The following CLASP1 variants were observed in gnomAD, a reference collection of about 807,000 sequenced individuals.
CLASP1 encodes cytoplasmic linker associated protein 1.
Under a neutral mutation model 192.3 loss-of-function variants are expected in CLASP1, and 38 were observed. The ratio of observed to expected loss-of-function variants is 0.20; its 90% CI spans 0.15 to 0.26. CLASP1 has a LOEUF of 0.26. Among genes scored for constraint, CLASP1 ranks in the 10% least tolerant of loss-of-function variants. CLASP1 has a pLI of 1.00. For synonymous variants in CLASP1, 691 were observed against 712.8 expected, an observed-to-expected ratio of 0.97 and a Z score of 0.49; for missense variants, 1,433 against 1,932.5, an observed-to-expected ratio of 0.74 and a Z score of 4.85.
At chr2:121,403,903 AC>A in intron 26 of CLASP1, 1 of 442,212 alleles carries the variant, frequency 2.3e-6, no homozygotes. Flanking sequence ...TTATGAAATA[AC>A]CTGGTTTATC....
chr2:121,358,587 A>G (rs558680708), intron 37 of CLASP1, among the ~76,000 whole-genome samples: 22 of 152,358 alleles, frequency 1.4e-4, no homozygotes, highest in African/African-American at 5.3e-4. Flanking sequence ...TGTCTAAAGG[A>G]CTGCATGAGA....
Position 121,528,690 on chromosome 2 carries a change from G to A in CLASP1, c.365C>T (p.Ala122Val), listed in dbSNP as rs754413144. ...TCTTGCCCCTACCTGGGGATTAGCA[G>A]CTTGATCCATGATCTTTAGCAGCAG... Residue 122 changes from alanine (A) to valine (V), a missense_variant, in exon 4 of 40, where the codon GCT becomes GTT. By Grantham distance (64) the Ala-to-Val change is moderately conservative. This residue lies in a region of CLASP1 where 282 missense variants were observed against 359.9 expected (regional missense o/e 0.78). Transcript: ENST00000263710. 4 of 1,613,984 alleles carry A rather than the reference G, an allele frequency of 2.5e-6. No individual in the cohort carries two copies. In the South Asian group the frequency reaches 3.3e-5, roughly 13 times the overall value.
At chr2:121,644,079 C>G (rs947227589) in intron 1 of CLASP1, among the ~76,000 whole-genome samples, 7 of 152,120 alleles carry the variant, frequency 4.6e-5, no homozygotes, top group African/African-American at 1.4e-4. Flanking sequence ...ACACTTTACA[C>G]GTATTATCTC....
chr2:121,559,107 T>C (rs926632990), intron 2 of CLASP1, among the ~76,000 whole-genome samples: 1 of 152,214 alleles, frequency 6.6e-6, no homozygotes, highest in Non-Finnish European at 1.5e-5. Context: ...CCACACCTCA[T>C]GAGATGTGCA....
At position 121,530,976 on chromosome 2, in the gene CLASP1, T is replaced by G. The variant is rs371749022; in HGVS notation, c.196-651A>C. The G allele has an allele frequency of 1.3e-5, 9 of 700,196 alleles. No individual in the cohort carries two copies. The highest frequency in any genetic ancestry group is 5.4e-5 in the East Asian group (2 of 37,302). The allele number at this position is 700,196 out of a possible 1,614,324, so 43.4% of individuals were successfully genotyped here. ...ACAACACACCCGCATCAACTAGAGC[T>G]TTTGCTTTATTTTGGTGCAATTTTT... On this transcript the variant is annotated intron_variant, in intron 2 of 39. Coordinates refer to ENST00000263710, the Ensembl canonical transcript of CLASP1.
chr2:121,631,409 T>G (rs1159309385), intron 1 of CLASP1, among the ~76,000 whole-genome samples: 1 of 148,350 alleles, frequency 6.7e-6, no homozygotes, highest in Non-Finnish European at 1.5e-5. Context: ...TGCCTCAGCC[T>G]CCCGAATAGC....
chr2:121,457,903 T>A (rs2087031426), intron 13 of CLASP1, 146 bp from the exon 14 acceptor site: 1 of 585,824 alleles, frequency 1.7e-6, no homozygotes. Flanking sequence ...AAAAAAGAAT[T>A]CACAGGATAT....
intron 15 of CLASP1, 70 bp from the exon 16 acceptor site, chr2:121,451,060 A>G: frequency 1.9e-6 from 2 of 1,056,832 alleles, no homozygotes; most frequent in South Asian, 1.3e-5. Context: ...ACCAGGTGGG[A>G]GAAATAACTT....
chr2:121,516,978 C>T (rs1327407217), intron 6 of CLASP1, among the ~76,000 whole-genome samples: 4 of 152,138 alleles, frequency 2.6e-5, no homozygotes, highest in East Asian at 3.9e-4. Context: ...AAGCTGAGAT[C>T]GTGCCACTGC....
At chr2:121,641,242 G>C (rs1460299741) in intron 1 of CLASP1, among the ~76,000 whole-genome samples, 4 of 151,544 alleles carry the variant, frequency 2.6e-5, no homozygotes, top group South Asian at 2.1e-4. Context: ...CCACAGGAAA[G>C]ACACAGTCTA....
chr2:121,374,003 T>A (rs1573981729), intron 34 of CLASP1, among the ~76,000 whole-genome samples: 1 of 152,344 alleles, frequency 6.6e-6, no homozygotes, highest in South Asian at 2.1e-4. Context: ...AAAAGCCGGA[T>A]GTTAATAGCC....
chr2:121,460,172 C>T (rs899402395), intron 11 of CLASP1, 47 bp from the exon 12 acceptor site: 1 of 1,472,508 alleles, frequency 6.8e-7, no homozygotes, highest in Non-Finnish European at 9.3e-7. Context: ...AATTCTAACA[C>T]AGACTATACA....
chr2:121,503,031 A>C lies in CLASP1; in HGVS notation c.712+136T>G, dbSNP rs2093812578. 7 of 610,414 alleles carry C rather than the reference A, an allele frequency of 1.1e-5. No homozygotes were observed. In the South Asian group the frequency reaches 1.3e-4, roughly 11 times the overall value. 37.8% of individuals were successfully genotyped at this position (610,414 alleles called of 1,614,324 possible). A position where few individuals can be genotyped will look rare whatever the true frequency, so the allele number is the denominator to read the frequency against. Reference sequence around the variant, plus strand: ...TCACTGCATTGTTTCTGGCCTGGAAAACTGGGTGAATGGAGGTTAAGTTTT... The same window carrying C: ...TCACTGCATTGTTTCTGGCCTGGAACACTGGGTGAATGGAGGTTAAGTTTT... On this transcript the variant is annotated intron_variant, in intron 8 of 39. Transcript: ENST00000263710.
At chr2:121,438,683 C>T (rs1466826564) in intron 19 of CLASP1, among the ~76,000 whole-genome samples, 3 of 152,126 alleles carry the variant, frequency 2.0e-5, no homozygotes, top group African/African-American at 7.2e-5. Context: ...ATGAAGCCCA[C>T]TTGATCATGG....
At position 121,396,687 on chromosome 2, in the gene CLASP1, A is replaced by G. The variant is rs1187296405; in HGVS notation, c.3123+453T>C. The stretch of plus-strand genomic sequence containing the variant: ...TTCCATTACAAAAGCACATACTCAC[A>G]TATCACACATATACTTATGTGCTAC... On this transcript the variant is annotated intron_variant, in intron 30 of 39. Coordinates refer to ENST00000263710, the Ensembl canonical transcript of CLASP1. Among the ~76,000 whole-genome samples, 8 of 152,328 alleles carry G rather than the reference A, an allele frequency of 5.3e-5. No individual in the cohort carries two copies. In the East Asian group the frequency reaches 1.5e-3, roughly 29 times the overall value.
At chr2:121,578,427 A>G (rs1185104854) in intron 2 of CLASP1, among the ~76,000 whole-genome samples, 1 of 91,628 alleles carries the variant, frequency 1.1e-5, no homozygotes, top group African/African-American at 9.9e-5. Context: ...ATCTCCAAAA[A>G]AAAAAAAAAA....
At chr2:121,444,860 G>T in intron 19 of CLASP1, 1 of 898,378 alleles carries the variant, frequency 1.1e-6, no homozygotes, top group Non-Finnish European at 1.6e-6. Context: ...GAGGACAAGT[G>T]GGTACTGGGC....
chr2:121,582,635 A>AAGGGAGAGAG (rs569228001), intron 2 of CLASP1, among the ~76,000 whole-genome samples: 1,593 of 149,738 alleles, frequency 0.011, 41 homozygotes, highest in Admixed American at 0.062. Context: ...GGGAAAGGGG[A>AAGGGAGAGAG]AGGGAGAGAG....
At chr2:121,576,719 T>G (rs142205971) in intron 2 of CLASP1, among the ~76,000 whole-genome samples, 2,111 of 152,280 alleles carry the variant, frequency 0.014, 43 homozygotes, top group African/African-American at 0.04. Flanking sequence ...AAAAAGATCC[T>G]CTTTCTTTTG....
Sources: gnomAD v4.1 joint callset for allele counts (sites outside exome capture counted in the v4.1 genomes callset) on GRCh38, gnomAD v4.1.1 for gene constraint, gnomAD v4.1.1 regional missense constraint, MANE v1.5 for transcripts, NCBI Gene and HGNC (gene_info 2026-07-23, HGNC 2026-07-21) for gene names.